PDSS1: variants seen among roughly 807,000 people sequenced by gnomAD.
PDSS1 encodes decaprenyl diphosphate synthase subunit 1, also known as all trans-polyprenyl-diphosphate synthase PDSS1.
A neutral mutation model predicts 57.5 loss-of-function variants in PDSS1; 43 were observed. That is an observed-to-expected ratio of 0.75 (90% CI 0.59 to 0.96). The LOEUF is 0.96. Among genes scored for constraint, PDSS1 ranks in the 50% least tolerant of loss-of-function variants. The pLI is 0.00. For missense variants in PDSS1, 438 were observed against 527.8 expected (o/e 0.83, Z 1.67); for synonymous variants, 175 against 191.3 (o/e 0.91, Z 0.70).
Position 26,705,319 on chromosome 10 carries a change from C to T in PDSS1, c.261C>T (p.His87=), listed in dbSNP as rs767836815. ...ACACAACCCCAGACAGTAAAACACA[C>T]AGTGGTGAAAAATACACCGATCCTT... The part of the protein sequence containing the change: ...FHHTTPDSKT[H]SGEKYTDPFK... Residue 87 remains histidine, a synonymous_variant, in exon 4 of 12, where the codon CAC becomes CAT. Transcript: ENST00000376215. 2.5e-6 allele frequency: 4 copies of T among 1,612,188 alleles called. No individual in the cohort carries two copies. Among genetic ancestry groups the T allele is most frequent in the Non-Finnish European group, 3.4e-6 (4 of 1,178,636 alleles).
intron 8 of PDSS1, among the ~76,000 whole-genome samples, chr10:26,730,501 T>C (rs928356233): frequency 6.6e-6 from 1 of 151,720 alleles, no homozygotes; most frequent in Non-Finnish European, 1.5e-5. Flanking sequence ...CCCAGCTACC[T>C]GGGAGGCTGA....
intron 5 of PDSS1, 120 bp downstream of exon 5, chr10:26,709,888 C>A: frequency 2.8e-6 from 3 of 1,080,756 alleles, no homozygotes; most frequent in Non-Finnish European, 4.2e-6. Context: ...CATGGTGGCT[C>A]ATGCCTATAA....
chr10:26,711,930 A>ATTT (rs1260363072), intron 5 of PDSS1, among the ~76,000 whole-genome samples: 3 of 88,110 alleles, frequency 3.4e-5, no homozygotes, highest in Admixed American at 1.4e-4. Context: ...TGGGAAGGAA[A>ATTT]TTTTTTTTTT....
chr10:26,732,596 A>G (rs575615130), intron 8 of PDSS1, among the ~76,000 whole-genome samples: 2 of 152,314 alleles, frequency 1.3e-5, no homozygotes, highest in Non-Finnish European at 2.9e-5. Flanking sequence ...TGTTGGAGCC[A>G]TGTAATGCCT....
intron 10 of PDSS1, among the ~76,000 whole-genome samples, chr10:26,740,154 A>C (rs1286108802): frequency 6.6e-6 from 1 of 151,786 alleles, no homozygotes; most frequent in Non-Finnish European, 1.5e-5. Flanking sequence ...AAAAAAAAAA[A>C]AAAAATTAAA....
intron 1 of PDSS1, among the ~76,000 whole-genome samples, chr10:26,701,682 A>G (rs747738458): frequency 5.3e-5 from 8 of 152,192 alleles, no homozygotes; most frequent in Non-Finnish European, 1.0e-4. Flanking sequence ...AGGGGGGAGA[A>G]CCCTCATGGA....
intron 5 of PDSS1, chr10:26,715,177 C>G (rs1268838884): frequency 6.6e-6 from 1 of 152,196 alleles, no homozygotes; most frequent in South Asian, 2.1e-4. Context: ...TCCATAGTCA[C>G]TGTTAAAACG....
chr10:26,703,176 G>A (rs10829053), intron 2 of PDSS1, among the ~76,000 whole-genome samples: 28,796 of 152,050 alleles, frequency 0.19, 3,587 homozygotes, highest in East Asian at 0.51. Context: ...GATTTGAACC[G>A]AGATCTGTCT....
intron 10 of PDSS1, among the ~76,000 whole-genome samples, chr10:26,738,275 C>T (rs993464870): frequency 6.6e-6 from 1 of 152,218 alleles, no homozygotes; most frequent in Non-Finnish European, 1.5e-5. Flanking sequence ...TCTCACAACT[C>T]CTCTTTGTGG....
At chr10:26,728,356 G>A (rs1168136255) in intron 8 of PDSS1, among the ~76,000 whole-genome samples, 1 of 152,074 alleles carries the variant, frequency 6.6e-6, no homozygotes, top group East Asian at 1.9e-4. Flanking sequence ...CGGGCGTAGT[G>A]GCAGGCGCCT....
chr10:26,706,570 G>C (rs1588671778), intron 4 of PDSS1, among the ~76,000 whole-genome samples: 1 of 152,110 alleles, frequency 6.6e-6, no homozygotes, highest in African/African-American at 2.4e-5. Context: ...TCATTGGCAT[G>C]GTCTTCCATA....
At chr10:26,716,041 A>C (rs1156377433) in intron 5 of PDSS1, among the ~76,000 whole-genome samples, 1 of 152,176 alleles carries the variant, frequency 6.6e-6, no homozygotes, top group Non-Finnish European at 1.5e-5. Context: ...CAAATCTATG[A>C]CTGTTAGGAT....
intron 1 of PDSS1, among the ~76,000 whole-genome samples, chr10:26,700,685 CCTT>C (rs1216178101): frequency 1.3e-5 from 2 of 152,072 alleles, no homozygotes; most frequent in South Asian, 2.1e-4. Context: ...TTCTCCTTCT[CCTT>C]CTTCCACCAT....
chr10:26,705,665 G>C (rs1474272300), intron 4 of PDSS1, among the ~76,000 whole-genome samples: 2 of 151,976 alleles, frequency 1.3e-5, no homozygotes, highest in Admixed American at 6.6e-5. Context: ...GTGAAGACGG[G>C]GTTTTGCTAT....
In PDSS1 at chr10:26,731,498, G is replaced by A. The variant is rs766352261; in HGVS notation, c.832-3742G>A. 3.9e-5 allele frequency among the ~76,000 whole-genome samples: 6 copies of A among 152,206 alleles called. No homozygotes were observed. The South Asian group carries it at 6.2e-4, about 16-fold the overall frequency. ...ACAAACACTACTGCAAGGGCTGATCGTGCATAAACCTATTTTTGTGTTGTG... is the reference window on the plus strand; with the variant it reads ...ACAAACACTACTGCAAGGGCTGATCATGCATAAACCTATTTTTGTGTTGTG... On this transcript the variant is annotated intron_variant, in intron 8 of 11. Coordinates refer to ENST00000376215, the MANE Select transcript of PDSS1 (RefSeq NM_014317.5).
At chr10:26,709,509 T>G in intron 4 of PDSS1, 129 bp from the exon 5 acceptor site, 2 of 896,924 alleles carry the variant, frequency 2.2e-6, no homozygotes, top group Non-Finnish European at 3.6e-6. Context: ...TACAATGAGC[T>G]GAGATCGTTC....
chr10:26,731,902 C>T (rs1836217434), intron 8 of PDSS1, among the ~76,000 whole-genome samples: 1 of 152,236 alleles, frequency 6.6e-6, no homozygotes, highest in Non-Finnish European at 1.5e-5. Context: ...AGCAATTCTC[C>T]TGCCTCAGCC....
chr10:26,725,878 C>A lies in PDSS1; in HGVS notation c.831+1755C>A, dbSNP rs146923508. On this transcript the variant is annotated intron_variant, in intron 8 of 11. Transcript: ENST00000376215. ...TTTGCTTGTGACCAGAAGTTCAAGA[C>A]CAACCTAGGCAACATAGCAAGATCC... Among the ~76,000 whole-genome samples, 110 of 152,206 alleles carry A rather than the reference C, an allele frequency of 7.2e-4. 1 individual carries two copies. Among genetic ancestry groups the A allele is most frequent in the African/African-American group, 2.5e-3 (104 of 41,532 alleles).
chr10:26,717,534 A>G (rs1835631135), intron 5 of PDSS1: 1 of 152,222 alleles, frequency 6.6e-6, no homozygotes, highest in South Asian at 2.1e-4. Context: ...GCCAGGCGCA[A>G]AATGACATTT....
Sources: allele counts gnomAD v4.1 joint callset (sites outside exome capture counted in the v4.1 genomes callset), GRCh38; gene constraint gnomAD v4.1.1; transcripts MANE v1.5; gene names NCBI Gene and HGNC (gene_info 2026-07-23, HGNC 2026-07-21).